LENG8: variants seen among roughly 807,000 people sequenced by gnomAD.
LENG8 encodes leukocyte receptor cluster member 8, also known as leukocyte receptor cluster (LRC) member 8.
Under a neutral mutation model 102.1 loss-of-function variants are expected in LENG8, and 28 were observed. That is an observed-to-expected ratio of 0.27 (90% confidence interval 0.20 to 0.38). LENG8 has a LOEUF of 0.38. Ranked by LOEUF, LENG8 falls within the 10% of genes least tolerant of loss-of-function variation. The probability of loss-of-function intolerance (pLI) is 1.00; values close to 1 mark genes in which losing one functional copy is unlikely to be tolerated. For missense variants in LENG8, 1,022 were observed against 1,113.9 expected, an observed-to-expected ratio of 0.92 and a Z score of 1.17; for synonymous variants, 531 against 456.7, an observed-to-expected ratio of 1.16 and a Z score of -2.07.
In LENG8 at chr19:54,455,226, G is replaced by C. The variant is rs552882373; in HGVS notation, c.821+134G>C. 6.3e-5 allele frequency: 94 copies of C among 1,491,078 alleles called. No individual in the cohort carries two copies. In the South Asian group the frequency reaches 1.1e-3, roughly 17 times the overall value. The allele number at this position is 1,491,078 out of a possible 1,614,324, so 92.4% of individuals were successfully genotyped here. ...AAAGGGCAGAAGGACCCTCTCTTGGGGGTTGCTGTGAGCACTGAAGGAGAC... is the reference window on the plus strand; with the variant it reads ...AAAGGGCAGAAGGACCCTCTCTTGGCGGTTGCTGTGAGCACTGAAGGAGAC... On this transcript the variant is annotated intron_variant, in intron 7 of 15. Coordinates refer to ENST00000326764, the MANE Select transcript of LENG8 (RefSeq NM_052925.4).
At chr19:54,451,238 A>G (rs571664000) in intron 1 of LENG8, 52 bp from the exon 2 acceptor site, 6 of 1,154,318 alleles carry the variant, frequency 5.2e-6, no homozygotes, top group African/African-American at 1.5e-5. Context: ...CCACTTTGTG[A>G]CGTGTTTTTA....
chr19:54,458,401 C>T lies in LENG8; in HGVS notation c.2120C>T (p.Ala707Val). 1 of 1,614,242 alleles carries T rather than the reference C, an allele frequency of 6.2e-7. No individual in the cohort carries two copies. The highest frequency in any genetic ancestry group is 8.5e-7 in the Non-Finnish European group (1 of 1,180,046). ...GCCTTGGCATTAAGGACAGCCTGGGCCCTGGGCAACTACCACCGCTTTTTC... is the reference window on the plus strand; with the variant it reads ...GCCTTGGCATTAAGGACAGCCTGGGTCCTGGGCAACTACCACCGCTTTTTC... ...AHALALRTAW[A>V]LGNYHRFFRL... Residue 707 changes from alanine (A) to valine (V), a missense_variant, in exon 15 of 16, where the codon GCC (alanine) becomes GTC (valine). Physicochemically the swap from Ala to Val is moderately conservative, Grantham distance 64. Coordinates refer to ENST00000326764, the MANE Select transcript of LENG8 (RefSeq NM_052925.4).
Position 54,454,683 on chromosome 19 carries a change from G to A in LENG8, c.679+1G>A, listed in dbSNP as rs774224778. Reference sequence around the variant, plus strand: ...CAACAGCTGTGGAACCGCATGAAACGTAAGTTGGCAGAGCTACGTGGAGGT... The same window carrying A: ...CAACAGCTGTGGAACCGCATGAAACATAAGTTGGCAGAGCTACGTGGAGGT... On this transcript the variant is annotated splice_donor_variant, in intron 6 of 15. Transcript: ENST00000326764. LOFTEE classifies it high-confidence loss of function. The A allele has an allele frequency of 1.9e-6, 3 of 1,587,946 alleles. No individual in the cohort carries two copies. The highest frequency in any genetic ancestry group is 1.7e-6 in the Non-Finnish European group (2 of 1,168,906).
At chr19:54,457,620 C>T (rs989263106) in intron 11 of LENG8, 127 bp from the exon 12 acceptor site, 31 of 723,746 alleles carry the variant, frequency 4.3e-5, no homozygotes, top group East Asian at 7.4e-5. Context: ...GGATTACAGG[C>T]GTGAGCCACT....
rs914470172 is a variant in LENG8, at chr19:54,454,455, G to A, written c.452G>A (p.Ser151Asn). 31 of 1,612,300 alleles carry A rather than the reference G, an allele frequency of 1.9e-5. No homozygotes were observed. Among genetic ancestry groups the A allele is most frequent in the Non-Finnish European group, 2.4e-5 (28 of 1,179,314 alleles). ...NQPPVPGMDE[S>N]MSYQAPPQQL... ...CCCCCAGTCCCCGGCATGGATGAGA[G>A]CATGTCCTACCAGGCTCCCCCTCAG... The change falls in exon 6 of 16, where the codon AGC (serine) becomes AAC (asparagine). Residue 151 changes from serine (S) to asparagine (N), a missense_variant. By Grantham distance (46) the Ser-to-Asn change is conservative. This residue lies in a region of LENG8 where 343 missense variants were observed against 320.2 expected (regional missense o/e 1.07). Coordinates refer to ENST00000326764, the MANE Select transcript of LENG8 (RefSeq NM_052925.4).
At chr19:54,457,010 A>C in intron 11 of LENG8, 89 bp downstream of exon 11, 5 of 1,351,612 alleles carry the variant, frequency 3.7e-6, no homozygotes, top group Non-Finnish European at 5.0e-6. Flanking sequence ...CAGAGGCCAC[A>C]CGGGGGCTCT....
At chr19:54,460,596 G>T (rs573193297) in intron 15 of LENG8, 170 bp from the exon 16 acceptor site, 2 of 1,386,662 alleles carry the variant, frequency 1.4e-6, no homozygotes, top group East Asian at 2.6e-5. Context: ...CCCCCCCCGG[G>T]CCCCCCCCGA....
intron 7 of LENG8, 44 bp from the exon 8 acceptor site, chr19:54,455,320 T>C (rs1183632922): frequency 1.2e-6 from 2 of 1,601,584 alleles, no homozygotes; most frequent in African/African-American, 1.3e-5. Flanking sequence ...GTCTTTTGAG[T>C]TTGGGATCGT....
At position 54,460,750 on chromosome 19, in the gene LENG8, C is replaced by A; in HGVS notation, c.2241-16C>A. The A allele has an allele frequency of 1.5e-6, 1 of 663,372 alleles. No individual in the cohort carries two copies. The highest frequency in any genetic ancestry group is 2.3e-6 in the Non-Finnish European group (1 of 429,018). 41.1% of individuals were successfully genotyped at this position (663,372 alleles called of 1,614,324 possible). A position where few individuals can be genotyped will look rare whatever the true frequency, so the allele number is the denominator to read the frequency against. ...CCGCCCGCCCGCCTCATCACCTTCT[C>A]CTCTTGTCTCCATAGCTTCCGCCCT... is the stretch of plus-strand genomic sequence containing the variant. On this transcript the variant is annotated splice_polypyrimidine_tract_variant and intron_variant, in intron 15 of 15. Transcript: ENST00000326764.
intron 15 of LENG8, chr19:54,459,371 T>G (rs1013457791): frequency 1.0e-6 from 1 of 996,028 alleles, no homozygotes; most frequent in Non-Finnish European, 1.2e-6. Flanking sequence ...CCACGTGAGG[T>G]CATAGTCACA....
rs927805198 is a variant in LENG8, at chr19:54,461,762, A to G, written c.*834A>G. On this transcript the variant is annotated 3_prime_UTR_variant, in exon 16 of 16. Coordinates refer to ENST00000326764, the MANE Select transcript of LENG8 (RefSeq NM_052925.4). ...TTCTCTTTTCTTTGTGTGTGTGTTTATTTAAGTTATTTTTCTTCCTCCTCT... is the reference window on the plus strand; with the variant it reads ...TTCTCTTTTCTTTGTGTGTGTGTTTGTTTAAGTTATTTTTCTTCCTCCTCT... 4 of 552,444 alleles carry G rather than the reference A, an allele frequency of 7.2e-6. No homozygotes were observed. Among genetic ancestry groups the G allele is most frequent in the Admixed American group, 6.7e-5 (3 of 44,700 alleles). 34.2% of individuals were successfully genotyped at this position (552,444 alleles called of 1,614,324 possible).
Position 54,452,741 on chromosome 19 carries a change from T to A in LENG8, c.304T>A (p.Tyr102Asn), listed in dbSNP as rs2084019103. ...QYNYAYPYSY[Y>N]YPMSMYQSYG... Reference sequence around the variant, plus strand: ...CAACTATGCCTACCCCTACAGCTACTACTATCCCATGGTGAGTGCCCAGCC... The same window carrying A: ...CAACTATGCCTACCCCTACAGCTACAACTATCCCATGGTGAGTGCCCAGCC... The change falls in exon 4 of 16, where the codon TAC becomes AAC. Residue 102 changes from tyrosine (Y) to asparagine (N), a missense_variant. Tyr to Asn is a moderately radical substitution (Grantham distance 143, BLOSUM62 -2). Around this residue, in one of 7 missense-constraint regions of LENG8, gnomAD observed 343 missense variants for 320.2 expected, o/e 1.07. Coordinates refer to ENST00000326764, the MANE Select transcript of LENG8 (RefSeq NM_052925.4). The A allele has an allele frequency of 6.2e-7, 1 of 1,612,106 alleles. No homozygotes were observed. The highest frequency in any genetic ancestry group is 8.5e-7 in the Non-Finnish European group (1 of 1,178,204).
At chr19:54,455,251 C>T (rs2084165018) in intron 7 of LENG8, 113 bp from the exon 8 acceptor site, 3 of 1,494,018 alleles carry the variant, frequency 2.0e-6, no homozygotes, top group African/African-American at 2.8e-5. Context: ...CTGAAGGAGA[C>T]AGAAGGAAAA....
intron 5 of LENG8, among the ~76,000 whole-genome samples, chr19:54,453,915 G>A (rs78093637): frequency 0.056 from 8,579 of 152,222 alleles, 422 homozygotes; most frequent in African/African-American, 0.13. Flanking sequence ...TGCACACACC[G>A]GCTGGGTTTT....
At position 54,456,797 on chromosome 19, in the gene LENG8, T is replaced by A. The variant is rs2084273573; in HGVS notation, c.1607T>A (p.Leu536Gln). Residue 536 changes from leucine to glutamine, a missense_variant, in exon 11 of 16, where the codon CTG becomes CAG. By Grantham distance (113) the Leu-to-Gln change is moderately radical. Around this residue, in one of 7 missense-constraint regions of LENG8, gnomAD observed 326 missense variants for 324.5 expected, o/e 1.00. Transcript: ENST00000326764. ...CCCCTGGTGCTGCAGATGAGCAGCC[T>A]GGAGAGCAGTGGGGCTGACCCTGAC... ...LEPLVLQMSS[L>Q]ESSGADPDWQ... 2 of 1,611,384 alleles carry A rather than the reference T, an allele frequency of 1.2e-6. No homozygotes were observed. Among genetic ancestry groups the A allele is most frequent in the Middle Eastern group, 1.7e-4 (1 of 5,928 alleles).
Position 54,461,880 on chromosome 19 carries a change from T to C in LENG8, c.*952T>C. ...GCAAACAGCTGGACTGTCAGGCTGC[T>C]TTTTTTCCAGATGTTCCTCCTCTGC... On this transcript the variant is annotated 3_prime_UTR_variant, in exon 16 of 16. Coordinates refer to ENST00000326764, the MANE Select transcript of LENG8 (RefSeq NM_052925.4). 1 of 716,524 alleles carries C rather than the reference T, an allele frequency of 1.4e-6. No homozygotes were observed. The highest frequency in any genetic ancestry group is 2.6e-6 in the Non-Finnish European group (1 of 390,142). 44.4% of individuals were successfully genotyped at this position (716,524 alleles called of 1,614,324 possible). A position where few individuals can be genotyped will look rare whatever the true frequency, so the allele number is the denominator to read the frequency against.
rs766320588 is a variant in LENG8 at position 54,455,485 on chromosome 19, A to C, written c.943A>C (p.Lys315Gln). The C allele has an allele frequency of 1.2e-6, 2 of 1,614,070 alleles. No homozygotes were observed. The highest frequency in any genetic ancestry group is 8.5e-7 in the Non-Finnish European group (1 of 1,180,022). Reference sequence around the variant, plus strand: ...GGAGGAGGACAAGGACCGCACGGAAAAGCTGCTCAAGGAGGTGCTGCAGGC... The same window carrying C: ...GGAGGAGGACAAGGACCGCACGGAACAGCTGCTCAAGGAGGTGCTGCAGGC... ...ESEEDKDRTE[K>Q]LLKEVLQARL... Residue 315 changes from lysine to glutamine, a missense_variant, in exon 8 of 16, where the codon AAG (lysine) becomes CAG (glutamine). By Grantham distance (53) the Lys-to-Gln change is moderately conservative. Transcript: ENST00000326764.
Position 54,454,636 on chromosome 19 carries a change from A to C in LENG8, c.633A>C (p.Glu211Asp), listed in dbSNP as rs1442461574. ...GQAYGPHTYTEPAKPKKGQQL... is the reference protein window; with the variant it reads ...GQAYGPHTYTDPAKPKKGQQL... Reference sequence around the variant, plus strand: ...CCTATGGGCCACACACCTACACCGAACCTGCCAAGCCCAAGAAGGGCCAAC... The same window carrying C: ...CCTATGGGCCACACACCTACACCGACCCTGCCAAGCCCAAGAAGGGCCAAC... Residue 211 changes from glutamate (E) to aspartate (D), a missense_variant, in exon 6 of 16, where the codon GAA becomes GAC. Physicochemically the swap from Glu to Asp is conservative, Grantham distance 45. Coordinates refer to ENST00000326764, the MANE Select transcript of LENG8 (RefSeq NM_052925.4). 6.2e-7 allele frequency: 1 copy of C among 1,607,292 alleles called. No individual in the cohort carries two copies.
At chr19:54,452,580 G>A in intron 3 of LENG8, 71 bp from the exon 4 acceptor site, 1 of 1,270,530 alleles carries the variant, frequency 7.9e-7, no homozygotes, top group South Asian at 1.2e-5. Flanking sequence ...CCAGTAAACA[G>A]GCTTGCCCTT....
Sources: allele counts gnomAD v4.1 joint callset (sites outside exome capture counted in the v4.1 genomes callset), GRCh38; gene constraint gnomAD v4.1.1; regional missense constraint gnomAD v4.1.1; transcripts MANE v1.5; gene names NCBI Gene and HGNC (gene_info 2026-07-23, HGNC 2026-07-21).